Variants in MYO1B observed in about 807,000 individuals in gnomAD.
The protein encoded by MYO1B is myosin IB.
In MYO1B, 72 loss-of-function variants were observed where a neutral mutation model predicts 159.7. The observed-to-expected ratio is 0.45, with a 90% confidence interval of 0.37 to 0.55. MYO1B has a LOEUF of 0.55. MYO1B is among the 20% of genes least tolerant of loss of function. The pLI is 0.00. For missense variants in MYO1B, 1,062 were observed against 1,364.8 expected, an observed-to-expected ratio of 0.78 and a Z score of 3.50; for synonymous variants, 468 against 473.8, an observed-to-expected ratio of 0.99 and a Z score of 0.16.
At chr2:191,258,352 G>C (rs1326083208) in intron 1 of MYO1B, among the ~76,000 whole-genome samples, 1 of 152,160 alleles carries the variant, frequency 6.6e-6, no homozygotes, top group Admixed American at 6.5e-5. Flanking sequence ...ACCTCTCTAG[G>C]GCACTTATGA....
chr2:191,417,269 G>A (rs763100284), intron 30 of MYO1B, among the ~76,000 whole-genome samples: 6 of 152,128 alleles, frequency 3.9e-5, no homozygotes, highest in Non-Finnish European at 8.8e-5. Context: ...TTTAGATTTG[G>A]GTGGGAGGTT....
At chr2:191,258,678 G>A (rs1415920012) in intron 1 of MYO1B, among the ~76,000 whole-genome samples, 1 of 152,132 alleles carries the variant, frequency 6.6e-6, no homozygotes, top group African/African-American at 2.4e-5. Context: ...TTGTCACAGA[G>A]CTACATGATG....
chr2:191,254,294 C>T (rs1296530974), intron 1 of MYO1B, among the ~76,000 whole-genome samples: 2 of 152,082 alleles, frequency 1.3e-5, no homozygotes, highest in African/African-American at 4.8e-5. Flanking sequence ...CTCACTGCAA[C>T]CTCCACCTCC....
intron 3 of MYO1B, among the ~76,000 whole-genome samples, chr2:191,319,274 T>A (rs1189653494): frequency 6.6e-6 from 1 of 151,916 alleles, no homozygotes; most frequent in East Asian, 1.9e-4. Flanking sequence ...AGGACAGGGG[T>A]AAGGGAGGGA....
intron 3 of MYO1B, among the ~76,000 whole-genome samples, chr2:191,307,852 C>T (rs1689746896): frequency 6.6e-6 from 1 of 152,124 alleles, no homozygotes; most frequent in Non-Finnish European, 1.5e-5. Context: ...AACACAGGAA[C>T]AGTCCAGTGG....
chr2:191,423,701 C>CA, intron 30 of MYO1B, 136 bp from the exon 31 acceptor site: 1 of 835,232 alleles, frequency 1.2e-6, no homozygotes, highest in Non-Finnish European at 1.7e-6. Flanking sequence ...TTGGAGGTTT[C>CA]AGATTTTCGG....
chr2:191,315,462 A>T (rs1004562264), intron 3 of MYO1B, among the ~76,000 whole-genome samples: 2 of 152,244 alleles, frequency 1.3e-5, no homozygotes, highest in Non-Finnish European at 2.9e-5. Flanking sequence ...ACTCAGAGCA[A>T]AGGAAACATA....
chr2:191,294,148 C>G (rs1222881254), intron 2 of MYO1B, among the ~76,000 whole-genome samples: 4 of 152,062 alleles, frequency 2.6e-5, no homozygotes, highest in Non-Finnish European at 4.4e-5. Context: ...TCACAAGGAA[C>G]AAAGAGAAAC....
chr2:191,381,936 A>G (rs1695062590), intron 14 of MYO1B, among the ~76,000 whole-genome samples: 1 of 152,236 alleles, frequency 6.6e-6, no homozygotes, highest in South Asian at 2.1e-4. Flanking sequence ...ATCAAAAAGT[A>G]TTGAGTATTC....
chr2:191,408,068 G>A, intron 24 of MYO1B, 47 bp from the exon 25 acceptor site: 1 of 1,328,686 alleles, frequency 7.5e-7, no homozygotes, highest in South Asian at 1.2e-5. Flanking sequence ...TTATGGACCT[G>A]TACCAGCCAC....
At chr2:191,301,272 G>A (rs201632100) in intron 3 of MYO1B, among the ~76,000 whole-genome samples, 1 of 151,622 alleles carries the variant, frequency 6.6e-6, no homozygotes, top group Non-Finnish European at 1.5e-5. Flanking sequence ...GGACATTTCA[G>A]AAACATTTCA....
chr2:191,317,539 A>G (rs1690430338), intron 3 of MYO1B, among the ~76,000 whole-genome samples: 1 of 152,258 alleles, frequency 6.6e-6, no homozygotes, highest in Non-Finnish European at 1.5e-5. Flanking sequence ...CAGGTTTGTT[A>G]CATATGTATA....
rs1265082528 is a variant in MYO1B, at chr2:191,423,901, G to A, written c.3352G>A (p.Gly1118Arg). ...GTTTATTCAGGGAAACCAGAAAAAT[G>A]GGAGTGTCCCAACATGTAAACGAAA... ...VKFIQGNQKN[G>R]SVPTCKRKNN... Residue 1118 changes from glycine (G) to arginine (R), a missense_variant, in exon 31 of 31, where the codon GGG becomes AGG. By Grantham distance (125) the Gly-to-Arg change is moderately radical. Transcript: ENST00000392318. The A allele has an allele frequency of 3.1e-6, 5 of 1,614,034 alleles. No individual in the cohort carries two copies. In the South Asian group the frequency reaches 4.4e-5, roughly 14 times the overall value.
chr2:191,253,573 TA>T (rs5837223), intron 1 of MYO1B, among the ~76,000 whole-genome samples: 22 of 147,496 alleles, frequency 1.5e-4, no homozygotes, highest in African/African-American at 3.3e-4. Context: ...TTTCACAACT[TA>T]AAAAAAAAAA....
chr2:191,355,502 T>A (rs1476309232), intron 7 of MYO1B, among the ~76,000 whole-genome samples: 1 of 152,232 alleles, frequency 6.6e-6, no homozygotes, highest in Non-Finnish European at 1.5e-5. Context: ...AAGGCAAGGT[T>A]GAGGAAAGTG....
At chr2:191,248,883 G>A (rs892995356) in intron 1 of MYO1B, among the ~76,000 whole-genome samples, 2 of 152,144 alleles carry the variant, frequency 1.3e-5, no homozygotes, top group East Asian at 3.9e-4. Context: ...GTCTATTATT[G>A]TAGTTGATTC....
intron 2 of MYO1B, among the ~76,000 whole-genome samples, chr2:191,293,243 G>GTA (rs1251064883): frequency 1.3e-5 from 2 of 152,220 alleles, no homozygotes; most frequent in Non-Finnish European, 2.9e-5. Context: ...TATCTTTAAA[G>GTA]TAACAAAGTC....
chr2:191,352,212 T>A (rs1324056742), intron 7 of MYO1B, among the ~76,000 whole-genome samples: 1 of 152,220 alleles, frequency 6.6e-6, no homozygotes, highest in Admixed American at 6.5e-5. Context: ...AGCTAGTGGT[T>A]TGCCTCAGTT....
At chr2:191,350,767 AT>A (rs952257695) in intron 7 of MYO1B, among the ~76,000 whole-genome samples, 51 of 151,758 alleles carry the variant, frequency 3.4e-4, no homozygotes, top group African/African-American at 1.2e-3. Context: ...TTTAGACATG[AT>A]TTGTGACTGT....
Sources: allele counts gnomAD v4.1 joint callset (sites outside exome capture counted in the v4.1 genomes callset), GRCh38; gene constraint gnomAD v4.1.1; transcripts MANE v1.5; gene names NCBI Gene and HGNC (gene_info 2026-07-23, HGNC 2026-07-21).